LHFPL2: variants seen among roughly 807,000 people sequenced by gnomAD.
LHFPL2 encodes LHFPL tetraspan subfamily member 2 protein.
In LHFPL2, 7 loss-of-function variants were observed where a neutral mutation model predicts 17.5. The observed-to-expected ratio is 0.40, with a 90% CI of 0.23 to 0.75. The LOEUF is 0.75. Ranked by LOEUF, LHFPL2 falls within the 30% of genes least tolerant of loss-of-function variation. The probability of loss-of-function intolerance (pLI) is 0.37; values close to 1 mark genes in which losing one functional copy is unlikely to be tolerated. For missense variants in LHFPL2, 241 were observed against 294.8 expected, an observed-to-expected ratio of 0.82 and a Z score of 1.34; for synonymous variants, 134 against 116.2, an observed-to-expected ratio of 1.15 and a Z score of -0.99.
intron 3 of LHFPL2, among the ~76,000 whole-genome samples, chr5:78,557,221 G>A (rs1756594943): frequency 6.6e-6 from 1 of 152,220 alleles, no homozygotes; most frequent in African/African-American, 2.4e-5. Flanking sequence ...GAATACCACA[G>A]CACTGAAAGA....
At chr5:78,563,137 G>C (rs1215122644) in intron 3 of LHFPL2, among the ~76,000 whole-genome samples, 1 of 152,152 alleles carries the variant, frequency 6.6e-6, no homozygotes, top group African/African-American at 2.4e-5. Context: ...TACAGTTGTA[G>C]AACTCTATGA....
rs370534772 is a variant in LHFPL2, at chr5:78,612,200, A to C, written c.-245+20064T>G. On this transcript the variant is annotated intron_variant, in intron 2 of 4. Transcript: ENST00000380345. ...ACTTACTATTCAAACTGACTTTGTG[A>C]AGACTTCTCCCATCCGATTAAAGAG... 1.8e-4 allele frequency among the ~76,000 whole-genome samples: 28 copies of C among 152,354 alleles called. No individual in the cohort carries two copies. In the East Asian group the frequency reaches 3.1e-3, roughly 17 times the overall value.
intron 3 of LHFPL2, among the ~76,000 whole-genome samples, chr5:78,532,956 C>T (rs1161338323): frequency 6.6e-6 from 1 of 152,180 alleles, no homozygotes; most frequent in Non-Finnish European, 1.5e-5. Flanking sequence ...GAGTGAGGCC[C>T]GTGGTGCCAA....
intron 3 of LHFPL2, among the ~76,000 whole-genome samples, chr5:78,519,640 C>T (rs549711275): frequency 2.0e-5 from 3 of 152,276 alleles, no homozygotes; most frequent in East Asian, 1.9e-4. Flanking sequence ...AATAGCCTAC[C>T]GCATAGGGAT....
At chr5:78,586,147 G>C (rs143058667) in intron 2 of LHFPL2, among the ~76,000 whole-genome samples, 3 of 152,274 alleles carry the variant, frequency 2.0e-5, no homozygotes, top group East Asian at 1.9e-4. Context: ...GCAGAGCCCA[G>C]CTCCCATGGG....
At chr5:78,535,437 T>C (rs1755919068) in intron 3 of LHFPL2, among the ~76,000 whole-genome samples, 1 of 152,088 alleles carries the variant, frequency 6.6e-6, no homozygotes. Flanking sequence ...GAGGGGATTG[T>C]CCACGATGGC....
At chr5:78,528,259 A>C (rs1400853650) in intron 3 of LHFPL2, among the ~76,000 whole-genome samples, 1 of 152,164 alleles carries the variant, frequency 6.6e-6, no homozygotes, top group Non-Finnish European at 1.5e-5. Context: ...CCCAGGCCAC[A>C]AACCAGTACC....
In LHFPL2 at chr5:78,638,302, C is replaced by T. The variant is rs192218090; in HGVS notation, c.-349-5934G>A. ...CAGGGAGGCGGGGCTTGCAGTGAGC[C>T]GAGATGGCACCACTGCACTCCAGCC... On this transcript the variant is annotated intron_variant, in intron 1 of 4. Transcript: ENST00000380345. Among the ~76,000 whole-genome samples, 409 of 152,102 alleles carry T rather than the reference C, an allele frequency of 2.7e-3. 2 individuals are homozygous for T. The highest frequency in any genetic ancestry group is 4.3e-3 in the Non-Finnish European group (291 of 67,986).
chr5:78,538,995 G>A (rs939396702), intron 3 of LHFPL2, among the ~76,000 whole-genome samples: 1 of 152,190 alleles, frequency 6.6e-6, no homozygotes, highest in Non-Finnish European at 1.5e-5. Flanking sequence ...CCTAGGCAAG[G>A]CACTTGACAC....
At chr5:78,528,270 G>T (rs888376189) in intron 3 of LHFPL2, among the ~76,000 whole-genome samples, 2 of 152,136 alleles carry the variant, frequency 1.3e-5, no homozygotes, top group African/African-American at 2.4e-5. Flanking sequence ...AACCAGTACC[G>T]GTCTGTGGCC....
chr5:78,492,838 G>A lies in LHFPL2; in HGVS notation c.431-3685C>T, dbSNP rs149225082. Among the ~76,000 whole-genome samples, 54 of 152,270 alleles carry A rather than the reference G, an allele frequency of 3.5e-4. No homozygotes were observed. In the East Asian group the frequency reaches 7.9e-3, roughly 22 times the overall value. ...TGGGTGTGAAGTGTGCCAACCACAC[G>A]CTGCAACCTGGGCAGCCAGCCCCGA... On this transcript the variant is annotated intron_variant, in intron 4 of 4. Transcript: ENST00000380345.
chr5:78,628,731 T>A (rs1203657251), intron 2 of LHFPL2, among the ~76,000 whole-genome samples: 1 of 152,246 alleles, frequency 6.6e-6, no homozygotes, highest in East Asian at 1.9e-4. Context: ...GAGAACTATT[T>A]TCCCCAGCCT....
At chr5:78,628,275 C>T (rs1745122347) in intron 2 of LHFPL2, among the ~76,000 whole-genome samples, 1 of 152,224 alleles carries the variant, frequency 6.6e-6, no homozygotes, top group Admixed American at 6.5e-5. Context: ...AAATGACCCC[C>T]TGCTCCTCTA....
intron 2 of LHFPL2, among the ~76,000 whole-genome samples, chr5:78,623,435 G>T (rs947271764): frequency 6.6e-6 from 1 of 152,128 alleles, no homozygotes; most frequent in East Asian, 1.9e-4. Context: ...CTGCCACTAT[G>T]GTTATAGACC....
chr5:78,641,009 G>T (rs1745643328), intron 1 of LHFPL2, among the ~76,000 whole-genome samples: 1 of 152,210 alleles, frequency 6.6e-6, no homozygotes, highest in Admixed American at 6.5e-5. Context: ...ATGAAAACAA[G>T]AGTTAGTTAT....
chr5:78,619,157 C>T (rs1361022237), intron 2 of LHFPL2, among the ~76,000 whole-genome samples: 1 of 152,140 alleles, frequency 6.6e-6, no homozygotes, highest in Admixed American at 6.5e-5. Flanking sequence ...TCCCAAGTAG[C>T]TGGGACTAGA....
Position 78,510,043 on chromosome 5 carries a change from G to C in LHFPL2, c.171C>G (p.Tyr57Ter). 1 of 1,610,470 alleles carries C rather than the reference G, an allele frequency of 6.2e-7. No individual in the cohort carries two copies. The highest frequency in any genetic ancestry group is 8.5e-7 in the Non-Finnish European group (1 of 1,178,536). The stretch of plus-strand genomic sequence containing the variant: ...GGGCGTAGATGCCCAGGGTGGGGTG[G>C]TAGGGCTCCGGGGAGCCCCCGCCCG... The part of the protein sequence containing the change: ...AGPGGGSPEP[Y>*]HPTLGIYARC... The change falls in exon 4 of 5, where the codon TAC becomes TAG. Residue 57 changes from tyrosine to a stop codon, truncating the protein, a stop_gained. Coordinates refer to ENST00000380345, the MANE Select transcript of LHFPL2 (RefSeq NM_005779.3). LOFTEE classifies it high-confidence loss of function.
chr5:78,519,049 GT>G (rs1430743230), intron 3 of LHFPL2, among the ~76,000 whole-genome samples: 2 of 122,964 alleles, frequency 1.6e-5, no homozygotes, highest in East Asian at 5.1e-4. Context: ...GGGGAAGTCT[GT>G]CCCATTCTAT....
chr5:78,507,201 G>A (rs1754956781), intron 4 of LHFPL2, among the ~76,000 whole-genome samples: 2 of 152,078 alleles, frequency 1.3e-5, no homozygotes, highest in Admixed American at 1.3e-4. Context: ...ATGGTGGCAG[G>A]TGCCTGTCAT....
Sources: allele counts gnomAD v4.1 joint callset (sites outside exome capture counted in the v4.1 genomes callset), GRCh38; gene constraint gnomAD v4.1.1; transcripts MANE v1.5; gene names NCBI Gene and HGNC (gene_info 2026-07-23, HGNC 2026-07-21).